Variants in THSD7A observed in about 807,000 individuals in gnomAD.
The protein encoded by THSD7A is thrombospondin type 1 domain containing 7A.
Under a neutral mutation model 231.3 loss-of-function variants are expected in THSD7A, and 96 were observed. That is an observed-to-expected ratio of 0.41 (90% CI 0.35 to 0.49). The LOEUF is 0.49. THSD7A is among the 20% of genes least tolerant of loss of function. THSD7A has a pLI of 0.05. For synonymous variants in THSD7A, 940 were observed against 743.3 expected (o/e 1.26, Z -4.30); for missense variants, 2,290 against 2,070.2 (o/e 1.11, Z -2.06).
rs549428642 is a variant in THSD7A at position 11,723,442 on chromosome 7, C to T, written c.191-86481G>A. 4.6e-5 allele frequency among the ~76,000 whole-genome samples: 7 copies of T among 151,392 alleles called. No individual in the cohort carries two copies. The East Asian group carries it at 1.2e-3, about 25-fold the overall frequency. ...TATACATATGTAACAAACCTGCACA[C>T]TGTGCACATGTACCCTAAAACTTAA... On this transcript the variant is annotated intron_variant, in intron 1 of 27. Transcript: ENST00000423059.
intron 1 of THSD7A, among the ~76,000 whole-genome samples, chr7:11,703,417 G>A (rs1284190359): frequency 6.6e-6 from 1 of 151,182 alleles, no homozygotes; most frequent in Non-Finnish European, 1.5e-5. Context: ...ATAAGTGGCA[G>A]CATCAGAATT....
At position 11,553,210 on chromosome 7, in the gene THSD7A, T is replaced by C. The variant is rs115358928; in HGVS notation, c.1454-10093A>G. 2.7e-3 allele frequency among the ~76,000 whole-genome samples: 418 copies of C among 152,254 alleles called. 1 individual carries two copies. The highest frequency in any genetic ancestry group is 9.5e-3 in the African/African-American group (393 of 41,550). On this transcript the variant is annotated intron_variant, in intron 4 of 27. Transcript: ENST00000423059. ...TAATTGTCAAAGAATGATTTCTACT[T>C]AACAGTTGTCCCTATGTATACATAA... is the stretch of plus-strand genomic sequence containing the variant.
intron 1 of THSD7A, among the ~76,000 whole-genome samples, chr7:11,777,752 T>A (rs1783463961): frequency 6.6e-6 from 1 of 152,078 alleles, no homozygotes; most frequent in Admixed American, 6.6e-5. Flanking sequence ...TTAACAGGGA[T>A]GAAATAAATG....
intron 6 of THSD7A, among the ~76,000 whole-genome samples, chr7:11,535,655 C>T (rs1395981782): frequency 6.6e-6 from 1 of 151,928 alleles, no homozygotes; most frequent in Non-Finnish European, 1.5e-5. Context: ...TGACTTATTG[C>T]TTAAATTATG....
intron 2 of THSD7A, among the ~76,000 whole-genome samples, chr7:11,605,108 C>G (rs1420244157): frequency 6.6e-6 from 1 of 151,998 alleles, no homozygotes; most frequent in South Asian, 2.1e-4. Flanking sequence ...ACCTGTAAAT[C>G]ATGTTTGAAA....
At chr7:11,699,260 G>C (rs1780500235) in intron 1 of THSD7A, among the ~76,000 whole-genome samples, 1 of 151,152 alleles carries the variant, frequency 6.6e-6, no homozygotes, top group East Asian at 2.0e-4. Context: ...CCACAAAGAA[G>C]AGAAAATGAA....
chr7:11,593,558 T>C (rs1179519939), intron 2 of THSD7A, 56 bp from the exon 3 acceptor site: 3 of 1,578,474 alleles, frequency 1.9e-6, no homozygotes, highest in South Asian at 2.3e-5. Context: ...ATGAACTTTG[T>C]CTTCTACGCT....
At chr7:11,690,009 A>G (rs545883152) in intron 1 of THSD7A, among the ~76,000 whole-genome samples, 1 of 151,934 alleles carries the variant, frequency 6.6e-6, no homozygotes, top group African/African-American at 2.4e-5. Flanking sequence ...CATATTAAAT[A>G]GCAAATGTGA....
intron 6 of THSD7A, among the ~76,000 whole-genome samples, chr7:11,501,848 G>GT (rs1166692241): frequency 1.3e-5 from 2 of 152,030 alleles, no homozygotes; most frequent in African/African-American, 2.4e-5. Context: ...CCAGCAGTTT[G>GT]TTTTTTTGAA....
At chr7:11,619,234 C>G (rs1000902205) in intron 2 of THSD7A, among the ~76,000 whole-genome samples, 1 of 151,958 alleles carries the variant, frequency 6.6e-6, no homozygotes, top group East Asian at 1.9e-4. Flanking sequence ...TTTTGTATAT[C>G]AATGACTACA....
At chr7:11,526,983 A>G (rs1788502393) in intron 6 of THSD7A, among the ~76,000 whole-genome samples, 1 of 152,182 alleles carries the variant, frequency 6.6e-6, no homozygotes. Context: ...TGAAAGAATG[A>G]ATGAGCCTAG....
rs541365414 is a variant in THSD7A, at chr7:11,585,263, T to C, written c.1453+5197A>G. Among the ~76,000 whole-genome samples, 8 of 152,320 alleles carry C rather than the reference T, an allele frequency of 5.3e-5. No individual in the cohort carries two copies. The South Asian group carries it at 1.7e-3, about 32-fold the overall frequency. ...ACCCCAACAGCTGAACCTCTTGACA[T>C]CTCACTTTCCATTTTGTAGTCCAGT... is the stretch of plus-strand genomic sequence containing the variant. On this transcript the variant is annotated intron_variant, in intron 4 of 27. Transcript: ENST00000423059.
intron 4 of THSD7A, among the ~76,000 whole-genome samples, chr7:11,550,243 A>G (rs902900615): frequency 1.3e-5 from 2 of 152,190 alleles, no homozygotes; most frequent in East Asian, 3.8e-4. Flanking sequence ...CACAATAGCC[A>G]CCAAGAGAAT....
chr7:11,372,641 A>C lies in THSD7A; in HGVS notation c.*3153T>G, dbSNP rs1179821195. Reference sequence around the variant, plus strand: ...GCAAAATCATATAATACTGTGTCAAACTTTTTCTGCTCTTCTTTTTTTAAA... The same window carrying C: ...GCAAAATCATATAATACTGTGTCAACCTTTTTCTGCTCTTCTTTTTTTAAA... On this transcript the variant is annotated 3_prime_UTR_variant, in exon 28 of 28. Coordinates refer to ENST00000423059, the MANE Select transcript of THSD7A (RefSeq NM_015204.3). 1 of 151,984 alleles carries C rather than the reference A, an allele frequency of 6.6e-6. No individual in the cohort carries two copies. The highest frequency in any genetic ancestry group is 1.5e-5 in the Non-Finnish European group (1 of 67,954). The allele number at this position is 151,984 out of a possible 1,614,324, so 9.4% of individuals were successfully genotyped here.
chr7:11,748,749 T>C (rs1465318502), intron 1 of THSD7A, among the ~76,000 whole-genome samples: 1 of 151,994 alleles, frequency 6.6e-6, no homozygotes, highest in Non-Finnish European at 1.5e-5. Context: ...AATCTTTTAC[T>C]TTTAAAAATA....
chr7:11,449,525 C>A (rs1168308728), intron 11 of THSD7A, among the ~76,000 whole-genome samples: 1 of 152,132 alleles, frequency 6.6e-6, no homozygotes, highest in East Asian at 1.9e-4. Flanking sequence ...CCATGCCAAG[C>A]TTTGGGAAAC....
At chr7:11,817,251 C>T (rs1373949048) in intron 1 of THSD7A, among the ~76,000 whole-genome samples, 1 of 152,162 alleles carries the variant, frequency 6.6e-6, no homozygotes, top group Non-Finnish European at 1.5e-5. Flanking sequence ...TTCACAGCAT[C>T]ACCGAGCAGG....
chr7:11,506,987 C>A (rs553313683), intron 6 of THSD7A, among the ~76,000 whole-genome samples: 1 of 152,234 alleles, frequency 6.6e-6, no homozygotes, highest in African/African-American at 2.4e-5. Context: ...TCTACCAGGT[C>A]AGGGGTACTG....
intron 1 of THSD7A, among the ~76,000 whole-genome samples, chr7:11,778,296 A>C (rs930449728): frequency 8.8e-6 from 1 of 113,736 alleles, no homozygotes; most frequent in Non-Finnish European, 1.8e-5. Context: ...TAAAAAAATG[A>C]TAAAAAACTT....
Sources: allele counts gnomAD v4.1 joint callset (sites outside exome capture counted in the v4.1 genomes callset), GRCh38; gene constraint gnomAD v4.1.1; transcripts MANE v1.5; gene names NCBI Gene and HGNC (gene_info 2026-07-23, HGNC 2026-07-21).